CDK5RAP2: variants seen among roughly 807,000 people sequenced by gnomAD.
CDK5RAP2 encodes the protein CDK5 regulatory subunit associated protein 2, also known as CDK5 regulatory subunit-associated protein 2.
A neutral mutation model predicts 232.9 loss-of-function variants in CDK5RAP2; 147 were observed. That is an observed-to-expected ratio of 0.63 (90% confidence interval 0.55 to 0.72). The LOEUF (loss-of-function observed/expected upper bound fraction) is 0.72. Among genes scored for constraint, CDK5RAP2 ranks in the 30% least tolerant of loss-of-function variants. The probability of loss-of-function intolerance (pLI) is 0.00; values close to 1 mark genes in which losing one functional copy is unlikely to be tolerated. For missense variants in CDK5RAP2, 2,195 were observed against 2,231.5 expected (o/e 0.98, Z 0.33); for synonymous variants, 833 against 833.7 (o/e 1.00, Z 0.01).
At chr9:120,550,654 T>C in intron 4 of CDK5RAP2, 138 bp downstream of exon 4, 3 of 696,050 alleles carry the variant, frequency 4.3e-6, no homozygotes, top group South Asian at 1.6e-5. Context: ...AATATCTTTA[T>C]GCTCCCCATA....
At chr9:120,479,020 T>C (rs993851008) in intron 14 of CDK5RAP2, among the ~76,000 whole-genome samples, 1 of 152,068 alleles carries the variant, frequency 6.6e-6, no homozygotes, top group African/African-American at 2.4e-5. Context: ...TTTAAAGAAA[T>C]GCTTAAATAA....
chr9:120,470,183 A>T lies in CDK5RAP2; in HGVS notation c.1896T>A (p.Tyr632Ter), dbSNP rs1256471546. ...TGTTTTCTTCAAGGCAAATACTTAG[A>T]TAAGATGTTTGATCACTATAAAGTG... The part of the protein sequence containing the change: ...SFSLYSDQTS[Y>*]LSICLEENNR... Residue 632 changes from tyrosine (Y) to a stop codon, truncating the protein, a stop_gained, in exon 17 of 38, where the codon TAT (tyrosine) becomes TAA (stop). Transcript: ENST00000349780. LOFTEE classifies it high-confidence loss of function. 1 of 1,594,550 alleles carries T rather than the reference A, an allele frequency of 6.3e-7. No homozygotes were observed. Among genetic ancestry groups the T allele is most frequent in the Non-Finnish European group, 8.6e-7 (1 of 1,164,862 alleles).
At position 120,397,557 on chromosome 9, in the gene CDK5RAP2, AAAAAAAAAGAAAAAAG is replaced by A. The variant is rs1476129481; in HGVS notation, c.5452-2935_5452-2920del. Among the ~76,000 whole-genome samples the A allele has an allele frequency of 8.2e-4, 116 of 141,092 alleles. 1 individual carries two copies. Among genetic ancestry groups the A allele is most frequent in the Middle Eastern group, 3.9e-3 (1 of 256 alleles). 92.6% of individuals were successfully genotyped at this position (141,092 alleles called of 152,430 possible). ...TAAAAACATTCTTAAAAAAAAAAAA[AAAAAAAAAGAAAAAAG>A]AAAAAAAAAAAAGCCCAACACAGTA... On this transcript the variant is annotated intron_variant, in intron 35 of 37. Coordinates refer to ENST00000349780, the MANE Select transcript of CDK5RAP2 (RefSeq NM_018249.6).
chr9:120,406,005 T>C (rs2033408411), intron 32 of CDK5RAP2: 1 of 152,260 alleles, frequency 6.6e-6, no homozygotes, highest in South Asian at 2.1e-4. Context: ...TGTAGAATCA[T>C]GAACTTTTTT....
intron 3 of CDK5RAP2, among the ~76,000 whole-genome samples, chr9:120,563,782 T>G (rs1032010719): frequency 1.3e-5 from 2 of 152,222 alleles, no homozygotes; most frequent in Non-Finnish European, 2.9e-5. Context: ...AGCTATGATC[T>G]GGCAGTAAGT....
intron 15 of CDK5RAP2, among the ~76,000 whole-genome samples, chr9:120,476,946 T>C (rs1160447084): frequency 6.6e-6 from 1 of 152,240 alleles, no homozygotes; most frequent in East Asian, 1.9e-4. Context: ...CTGTGTGACT[T>C]TGAGCAAGTC....
intron 12 of CDK5RAP2, among the ~76,000 whole-genome samples, chr9:120,496,717 C>T (rs2039279844): frequency 7.6e-6 from 1 of 131,602 alleles, no homozygotes; most frequent in Non-Finnish European, 1.6e-5. Flanking sequence ...CGGCCAGCCG[C>T]CCCGTTCGGG....
At chr9:120,475,451 T>C (rs1042779405) in intron 15 of CDK5RAP2, among the ~76,000 whole-genome samples, 2 of 152,098 alleles carry the variant, frequency 1.3e-5, no homozygotes, top group Non-Finnish European at 2.9e-5. Context: ...GGAGCAACCA[T>C]ATCCACCCAC....
chr9:120,442,850 T>C (rs894488819), intron 23 of CDK5RAP2, among the ~76,000 whole-genome samples: 6 of 152,162 alleles, frequency 3.9e-5, no homozygotes, highest in African/African-American at 1.2e-4. Flanking sequence ...CAACTCAGTA[T>C]TTTTCCAGAG....
At chr9:120,473,945 CA>C (rs912596588) in intron 15 of CDK5RAP2, among the ~76,000 whole-genome samples, 5 of 152,080 alleles carry the variant, frequency 3.3e-5, no homozygotes, top group African/African-American at 1.2e-4. Context: ...GTTGGGAGAA[CA>C]AAAGGTGCTT....
intron 35 of CDK5RAP2, among the ~76,000 whole-genome samples, chr9:120,397,280 C>A (rs1416595798): frequency 2.0e-5 from 3 of 152,212 alleles, no homozygotes; most frequent in Non-Finnish European, 4.4e-5. Flanking sequence ...ATGATCAATT[C>A]ATGGCCATAC....
rs112934796 is a variant in CDK5RAP2 at position 120,447,604 on chromosome 9, C to T, written c.3025+291G>A. ...AGGCATCCACAGACAAAGCCAAACA[C>T]AACTGGGGCATCTGCGGACAATCCT... On this transcript the variant is annotated intron_variant, in intron 22 of 37. Transcript: ENST00000349780. Among the ~76,000 whole-genome samples, 213 of 152,348 alleles carry T rather than the reference C, an allele frequency of 1.4e-3. 1 individual carries two copies. Among genetic ancestry groups the T allele is most frequent in the African/African-American group, 5.0e-3 (206 of 41,588 alleles).
Position 120,518,523 on chromosome 9 carries a change from G to C in CDK5RAP2, c.1215C>G (p.Thr405=), listed in dbSNP as rs781736347. 3 of 1,613,324 alleles carry C rather than the reference G, an allele frequency of 1.9e-6. No homozygotes were observed. Among genetic ancestry groups the C allele is most frequent in the Non-Finnish European group, 2.5e-6 (3 of 1,179,864 alleles). The change falls in exon 12 of 38, where the codon ACC becomes ACG. Residue 405 remains threonine (T), a synonymous_variant. Transcript: ENST00000349780. The stretch of plus-strand genomic sequence containing the variant: ...CCTGCTGCAAGTCACTCAGCTCCTG[G>C]GTGATCTTCTTAATGCTTCTACGCA... ...HRLRRSIKKI[T]QELSDLQQER...
chr9:120,455,552 G>A (rs1298652479), intron 20 of CDK5RAP2, among the ~76,000 whole-genome samples: 5 of 151,726 alleles, frequency 3.3e-5, no homozygotes, highest in Non-Finnish European at 7.4e-5. Flanking sequence ...ACCAGACTGG[G>A]CAACATGGTG....
At chr9:120,565,768 G>A (rs918294584) in intron 3 of CDK5RAP2, among the ~76,000 whole-genome samples, 6 of 152,092 alleles carry the variant, frequency 3.9e-5, no homozygotes, top group Non-Finnish European at 7.4e-5. Context: ...CTCCTCCAGA[G>A]GCTTCTCTGA....
intron 13 of CDK5RAP2, among the ~76,000 whole-genome samples, chr9:120,488,469 C>T (rs1414365814): frequency 6.6e-6 from 1 of 152,038 alleles, no homozygotes; most frequent in Non-Finnish European, 1.5e-5. Context: ...AAAATGGTGT[C>T]CTCTCCCTCT....
chr9:120,577,268 T>C lies in CDK5RAP2; in HGVS notation c.59+2652A>G, dbSNP rs181927616. ...TCCCGGCCACTAAGTGGCTGAACCA[T>C]GAGAATTGCTTGAACTCTGGAGGCG... On this transcript the variant is annotated intron_variant, in intron 1 of 37. Coordinates refer to ENST00000349780, the MANE Select transcript of CDK5RAP2 (RefSeq NM_018249.6). 4.1e-3 allele frequency among the ~76,000 whole-genome samples: 618 copies of C among 150,420 alleles called. 4 individuals are homozygous for C. The highest frequency in any genetic ancestry group is 0.014 in the African/African-American group (559 of 40,870).
chr9:120,434,320 C>T (rs970495816), intron 25 of CDK5RAP2, among the ~76,000 whole-genome samples: 1 of 151,974 alleles, frequency 6.6e-6, no homozygotes, highest in African/African-American at 2.4e-5. Context: ...GGGTCAGTAG[C>T]TGGGGAGGGG....
rs1040424483 is a variant in CDK5RAP2 at position 120,575,214 on chromosome 9, G to A, written c.60-3173C>T. On this transcript the variant is annotated intron_variant, in intron 1 of 37. Coordinates refer to ENST00000349780, the MANE Select transcript of CDK5RAP2 (RefSeq NM_018249.6). ...TTACAGGCATGCACCACCACGCCCG[G>A]CTAATTTTTTGTACTTTTAGTAGAG... 1.2e-4 allele frequency among the ~76,000 whole-genome samples: 19 copies of A among 152,088 alleles called. 1 individual carries two copies. Among genetic ancestry groups the A allele is most frequent in the African/African-American group, 4.1e-4 (17 of 41,396 alleles).
Sources: gnomAD v4.1 joint callset for allele counts (sites outside exome capture counted in the v4.1 genomes callset) on GRCh38, gnomAD v4.1.1 for gene constraint, MANE v1.5 for transcripts, NCBI Gene and HGNC (gene_info 2026-07-23, HGNC 2026-07-21) for gene names.